The following SLC5A12 variants were observed in gnomAD, a reference collection of about 807,000 sequenced individuals.
SLC5A12 encodes solute carrier family 5 member 12, also known as sodium-coupled monocarboxylate transporter 2.
SLC5A12 carries 46 observed loss-of-function variants against 72.7 expected under a neutral mutation model. The ratio of observed to expected loss-of-function variants is 0.63; its 90% CI spans 0.50 to 0.81. The LOEUF is 0.81. SLC5A12 is among the 30% of genes least tolerant of loss of function. SLC5A12 has a pLI of 0.00. For missense variants in SLC5A12, 683 were observed against 740.7 expected (o/e 0.92, Z 0.90); for synonymous variants, 275 against 264.4 (o/e 1.04, Z -0.39).
intron 11 of SLC5A12, among the ~76,000 whole-genome samples, chr11:26,683,458 T>A (rs114808286): frequency 0.011 from 1,631 of 152,336 alleles, 28 homozygotes; most frequent in African/African-American, 0.037. Context: ...ATTCAATATC[T>A]ATTTTACAGT....
At chr11:26,703,382 G>T (rs1855005078) in intron 6 of SLC5A12, 149 bp downstream of exon 6, 1 of 839,200 alleles carries the variant, frequency 1.2e-6, no homozygotes, top group Non-Finnish European at 1.8e-6. Flanking sequence ...AAAGTTGAAA[G>T]AGTTAAGTGA....
rs1854079130 is a variant in SLC5A12, at chr11:26,669,205, T to TTCTTTC, written c.*1891_*1896dup. On this transcript the variant is annotated 3_prime_UTR_variant, in exon 15 of 15. Coordinates refer to ENST00000396005, the MANE Select transcript of SLC5A12 (RefSeq NM_178498.4). The stretch of plus-strand genomic sequence containing the variant: ...TTTCTTCTTTTCTTTCTTTCTTTCT[T>TTCTTTC]TCTTTCTTTCTTTCTCTCTCTCCCT... 10 of 138,800 alleles carry TTCTTTC rather than the reference T, an allele frequency of 7.2e-5. No homozygotes were observed. The highest frequency in any genetic ancestry group is 2.1e-4 in the East Asian group (1 of 4,754). 8.6% of individuals were successfully genotyped at this position (138,800 alleles called of 1,614,324 possible). A position where few individuals can be genotyped will look rare whatever the true frequency, so the allele number is the denominator to read the frequency against.
chr11:26,708,978 G>A (rs1029763686), intron 4 of SLC5A12: 2 of 186,014 alleles, frequency 1.1e-5, no homozygotes, highest in African/African-American at 4.7e-5. Context: ...GCCATCTGTG[G>A]TTTATGAGGG....
At chr11:26,686,097 A>G (rs1469033713) in intron 10 of SLC5A12, among the ~76,000 whole-genome samples, 3 of 152,164 alleles carry the variant, frequency 2.0e-5, no homozygotes, top group African/African-American at 7.2e-5. Context: ...AGAACATAGT[A>G]AGTGTTACAT....
chr11:26,697,079 TG>T, intron 8 of SLC5A12, 84 bp downstream of exon 8: 4 of 1,143,988 alleles, frequency 3.5e-6, no homozygotes, highest in Non-Finnish European at 5.2e-6. Flanking sequence ...ACACAGTGAG[TG>T]CTTGCTAAAT....
At chr11:26,711,085 G>A (rs2133210877) in intron 3 of SLC5A12, among the ~76,000 whole-genome samples, 1 of 152,004 alleles carries the variant, frequency 6.6e-6, no homozygotes, top group African/African-American at 2.4e-5. Flanking sequence ...AATCAAAATT[G>A]GTATCTAGAA....
Position 26,667,480 on chromosome 11 carries a change from G to C in SLC5A12, c.*3622C>G, listed in dbSNP as rs1854024562. 1 of 151,880 alleles carries C rather than the reference G, an allele frequency of 6.6e-6. No individual in the cohort carries two copies. The allele number at this position is 151,880 out of a possible 1,614,324, so 9.4% of individuals were successfully genotyped here. On this transcript the variant is annotated 3_prime_UTR_variant, in exon 15 of 15. Coordinates refer to ENST00000396005, the MANE Select transcript of SLC5A12 (RefSeq NM_178498.4). The stretch of plus-strand genomic sequence containing the variant: ...TGTAACCCTATAAAGCCACAAAATA[G>C]TAAAGTTCATTTTTAGCAAATACTA...
chr11:26,684,669 G>A (rs756714644), intron 10 of SLC5A12, among the ~76,000 whole-genome samples: 2 of 152,192 alleles, frequency 1.3e-5, no homozygotes, highest in Non-Finnish European at 2.9e-5. Flanking sequence ...CATCACTCAC[G>A]ACTTCCTCCT....
chr11:26,715,682 A>G (rs148766914), intron 1 of SLC5A12, among the ~76,000 whole-genome samples: 101 of 152,302 alleles, frequency 6.6e-4, no homozygotes, highest in African/African-American at 2.4e-3. Flanking sequence ...ATATATTGCA[A>G]GTACAAATTT....
intron 4 of SLC5A12, among the ~76,000 whole-genome samples, chr11:26,706,036 G>T (rs190300433): frequency 3.9e-4 from 59 of 151,146 alleles, no homozygotes; most frequent in African/African-American, 1.4e-3. Flanking sequence ...TAATCAAACT[G>T]CCTTGTTTGG....
chr11:26,683,926 G>T, intron 10 of SLC5A12, 83 bp from the exon 11 acceptor site: 1 of 1,063,578 alleles, frequency 9.4e-7, no homozygotes, highest in Non-Finnish European at 1.4e-6. Context: ...TTGGACCTGG[G>T]ATAATATTGG....
intron 14 of SLC5A12, among the ~76,000 whole-genome samples, chr11:26,671,460 C>T (rs71480140): frequency 0.095 from 14,527 of 152,130 alleles, 766 homozygotes; most frequent in Admixed American, 0.17. Context: ...GCAAAAAGAA[C>T]AATTTATTGA....
intron 8 of SLC5A12, among the ~76,000 whole-genome samples, chr11:26,694,822 T>G (rs1229480316): frequency 6.6e-6 from 1 of 152,178 alleles, no homozygotes; most frequent in Non-Finnish European, 1.5e-5. Flanking sequence ...TGCATTTTAT[T>G]CTTCTACTTT....
chr11:26,715,783 A>G (rs1349166115), intron 1 of SLC5A12, among the ~76,000 whole-genome samples: 2 of 152,154 alleles, frequency 1.3e-5, no homozygotes, highest in Non-Finnish European at 2.9e-5. Context: ...CAGGAGGATG[A>G]GACTAAAGGT....
intron 11 of SLC5A12, 43 bp from the exon 12 acceptor site, chr11:26,681,264 T>G (rs200268936): frequency 2.0e-5 from 30 of 1,483,236 alleles, no homozygotes; most frequent in Non-Finnish European, 2.7e-5. Flanking sequence ...TTGGCAAAGC[T>G]GTCTATGGAA....
intron 8 of SLC5A12, among the ~76,000 whole-genome samples, chr11:26,693,101 C>T (rs549045751): frequency 3.3e-5 from 5 of 152,218 alleles, no homozygotes; most frequent in Middle Eastern, 3.4e-3. Flanking sequence ...CTAACTGGGA[C>T]ACAAACATTT....
At chr11:26,711,460 C>G (rs1565202317) in intron 2 of SLC5A12, 102 bp from the exon 3 acceptor site, 1 of 880,066 alleles carries the variant, frequency 1.1e-6, no homozygotes, top group Non-Finnish European at 1.9e-6. Context: ...TTCTCTTCAA[C>G]TTGTTCATGA....
At chr11:26,711,246 G>A in intron 3 of SLC5A12, 61 bp downstream of exon 3, 1 of 1,334,328 alleles carries the variant, frequency 7.5e-7, no homozygotes, top group Non-Finnish European at 1.1e-6. Context: ...TTCTAATTCT[G>A]CAAGGTGAGA....
intron 1 of SLC5A12, among the ~76,000 whole-genome samples, chr11:26,717,868 T>A (rs1855387757): frequency 6.6e-6 from 1 of 152,152 alleles, no homozygotes; most frequent in Non-Finnish European, 1.5e-5. Flanking sequence ...TGTCCACTGC[T>A]GCTCCTGAAG....
Sources: gnomAD v4.1 joint callset for allele counts (sites outside exome capture counted in the v4.1 genomes callset) on GRCh38, gnomAD v4.1.1 for gene constraint, MANE v1.5 for transcripts, NCBI Gene and HGNC (gene_info 2026-07-23, HGNC 2026-07-21) for gene names.